Variants in FAM222A observed in about 807,000 individuals in gnomAD.
FAM222A encodes protein FAM222A.
In FAM222A, 7 loss-of-function variants were observed where a neutral mutation model predicts 25.8. The observed-to-expected ratio is 0.27, with a 90% CI of 0.15 to 0.51. The LOEUF (loss-of-function observed/expected upper bound fraction) is 0.51, where lower values mean the gene tolerates loss of function less well. FAM222A is among the 20% of genes least tolerant of loss of function. The probability of loss-of-function intolerance (pLI) is 0.97; values close to 1 mark genes in which losing one functional copy is unlikely to be tolerated. For missense variants in FAM222A, 573 were observed against 640.5 expected, an observed-to-expected ratio of 0.89 and a Z score of 1.14; for synonymous variants, 294 against 298.8, an observed-to-expected ratio of 0.98 and a Z score of 0.17.
intron 1 of FAM222A, among the ~76,000 whole-genome samples, chr12:109,722,227 T>C (rs1314385118): frequency 6.6e-6 from 1 of 152,154 alleles, no homozygotes; most frequent in African/African-American, 2.4e-5. Context: ...CAGATGTGGC[T>C]AGAATGTGGA....
chr12:109,767,982 T>C, intron 2 of FAM222A, 30 bp from the exon 3 acceptor site: 1 of 1,598,544 alleles, frequency 6.3e-7, no homozygotes, highest in Non-Finnish European at 8.5e-7. Flanking sequence ...GGCCTCCTGA[T>C]GGGCCCTCAC....
chr12:109,714,767 C>T lies in FAM222A; in HGVS notation c.-177C>T, dbSNP rs541149799. 1 of 152,332 alleles carries T rather than the reference C, an allele frequency of 6.6e-6. No homozygotes were observed. The highest frequency in any genetic ancestry group is 2.1e-4 in the South Asian group (1 of 4,840). 9.4% of individuals were successfully genotyped at this position (152,332 alleles called of 1,614,324 possible). ...CCTCACCGACAGCGCCCCTTCCCAC[C>T]CGGAGAGAGGCATCGACCCCCAAGG... On this transcript the variant is annotated 5_prime_UTR_variant, in exon 1 of 3. Transcript: ENST00000538780. This position sits in a 1 kb window ranked among gnomAD's most constrained non-coding sequence, Gnocchi z 4.2.
Position 109,768,127 on chromosome 12 carries a change from C to T in FAM222A, c.198C>T (p.Asn66=). ...SPLSIKIFPT[N]IRVPQHKHLS... is the part of the protein sequence containing the mutation. ...TGTCCATCAAGATCTTCCCCACCAA[C>T]ATCCGTGTGCCCCAGCACAAGCACC... The change falls in exon 3 of 3, where the codon AAC becomes AAT. Residue 66 remains asparagine (N), a synonymous_variant. Coordinates refer to ENST00000538780, the MANE Select transcript of FAM222A (RefSeq NM_032829.3). 6.2e-7 allele frequency: 1 copy of T among 1,614,034 alleles called. No homozygotes were observed. The highest frequency in any genetic ancestry group is 2.2e-5 in the East Asian group (1 of 44,884).
chr12:109,716,328 C>T (rs186851894), intron 1 of FAM222A, among the ~76,000 whole-genome samples: 7 of 152,226 alleles, frequency 4.6e-5, no homozygotes, highest in East Asian at 1.9e-4. Flanking sequence ...GGAAAAGGTT[C>T]GAAAACTGTC....
At chr12:109,745,723 C>G (rs1190315752) in intron 2 of FAM222A, among the ~76,000 whole-genome samples, 1 of 152,190 alleles carries the variant, frequency 6.6e-6, no homozygotes, top group Non-Finnish European at 1.5e-5. Flanking sequence ...CCAGGCTAGT[C>G]TCAAACTCCT....
chr12:109,719,566 G>A (rs1354242521), intron 1 of FAM222A, among the ~76,000 whole-genome samples: 2 of 152,202 alleles, frequency 1.3e-5, no homozygotes, highest in East Asian at 3.8e-4. Context: ...GCTGGAGCAG[G>A]GCTGGAGGAG....
chr12:109,736,739 G>A (rs528213213), intron 1 of FAM222A, among the ~76,000 whole-genome samples: 13 of 152,300 alleles, frequency 8.5e-5, no homozygotes, highest in Admixed American at 2.6e-4. Context: ...GAGGCACATC[G>A]CAGTTGTCAG....
rs543123155 is a variant in FAM222A, at chr12:109,713,864, C to A, written c.-1080C>A. Among the ~76,000 whole-genome samples, 1 of 148,994 alleles carries A rather than the reference C, an allele frequency of 6.7e-6. No individual in the cohort carries two copies. The highest frequency in any genetic ancestry group is 1.5e-5 in the Non-Finnish European group (1 of 66,848). On this transcript the variant is annotated 5_prime_UTR_variant, in exon 1 of 3. Transcript: ENST00000538780. Reference sequence around the variant, plus strand: ...GGAGCAGCGGGCAGGACTGCCTGGCCGGCTGCTCCGCGGAGAGGCTGCGCG... The same window carrying A: ...GGAGCAGCGGGCAGGACTGCCTGGCAGGCTGCTCCGCGGAGAGGCTGCGCG...
intron 2 of FAM222A, among the ~76,000 whole-genome samples, chr12:109,748,330 C>CTTTTTTTTTT (rs1410740242): frequency 2.5e-5 from 1 of 40,446 alleles, no homozygotes; most frequent in Non-Finnish European, 5.2e-5. Context: ...CTTTGGTTTT[C>CTTTTTTTTTT]TTTCTTTTTT....
chr12:109,730,644 G>A (rs891592777), intron 1 of FAM222A, among the ~76,000 whole-genome samples: 1 of 152,146 alleles, frequency 6.6e-6, no homozygotes, highest in Non-Finnish European at 1.5e-5. Flanking sequence ...GGGTTGCGTG[G>A]GCGTGTGTCT....
intron 1 of FAM222A, chr12:109,734,628 C>T (rs1291552117): frequency 6.6e-6 from 1 of 151,252 alleles, no homozygotes; most frequent in African/African-American, 2.4e-5. Context: ...AAAGAAAAAC[C>T]AGAAGTCATG....
chr12:109,756,392 CT>C (rs35171962), intron 2 of FAM222A, among the ~76,000 whole-genome samples: 8,002 of 124,260 alleles, frequency 0.064, 267 homozygotes, highest in African/African-American at 0.13. Flanking sequence ...AATATGAATG[CT>C]TTTTTTTTTT....
chr12:109,752,240 A>C (rs1450768622), intron 2 of FAM222A, among the ~76,000 whole-genome samples: 2 of 152,340 alleles, frequency 1.3e-5, no homozygotes, highest in East Asian at 3.9e-4. Context: ...CACCAAGGAC[A>C]TCCTGCTTCC....
chr12:109,732,065 A>G (rs1454009483), intron 1 of FAM222A, among the ~76,000 whole-genome samples: 9 of 152,108 alleles, frequency 5.9e-5, no homozygotes, highest in African/African-American at 2.2e-4. Flanking sequence ...TCACAGTAAG[A>G]GGACGTTTGT....
chr12:109,767,414 T>G (rs1008027957), intron 2 of FAM222A, among the ~76,000 whole-genome samples: 3 of 152,144 alleles, frequency 2.0e-5, no homozygotes, highest in African/African-American at 7.2e-5. Flanking sequence ...TAGGATCACT[T>G]GAGCCTAGGA....
chr12:109,735,141 C>T (rs774963272), intron 1 of FAM222A, among the ~76,000 whole-genome samples: 50 of 152,232 alleles, frequency 3.3e-4, no homozygotes, highest in Non-Finnish European at 2.5e-4. Context: ...TGTCCACTCT[C>T]CTCCCCCGAC....
rs1412561178 is a variant in FAM222A, at chr12:109,769,098, G to A, written c.1169G>A (p.Gly390Asp). ...LAGPPADALS[G>D]LPSKSVCNTS... ...GGGCCCCCTGCAGATGCCCTCTCGG[G>A]CCTGCCCAGCAAGAGTGTGTGCAAC... Residue 390 changes from glycine to aspartate, a missense_variant, in exon 3 of 3, where the codon GGC becomes GAC. Transcript: ENST00000538780. The A allele has an allele frequency of 6.2e-7, 1 of 1,607,934 alleles. No individual in the cohort carries two copies.
intron 2 of FAM222A, among the ~76,000 whole-genome samples, chr12:109,763,670 T>G (rs1888962507): frequency 6.6e-6 from 1 of 152,172 alleles, no homozygotes. Flanking sequence ...CACAACTACT[T>G]TTATGACTGA....
intron 1 of FAM222A, among the ~76,000 whole-genome samples, chr12:109,721,315 T>A (rs73407749): frequency 0.11 from 16,033 of 152,164 alleles, 1,753 homozygotes; most frequent in East Asian, 0.43. Context: ...GGGCCAGCTG[T>A]CTCCTTTATG....
Sources: allele counts gnomAD v4.1 joint callset (sites outside exome capture counted in the v4.1 genomes callset), GRCh38; gene constraint gnomAD v4.1.1; non-coding constraint Gnocchi (gnomAD v3.1); transcripts MANE v1.5; gene names NCBI Gene and HGNC (gene_info 2026-07-23, HGNC 2026-07-21).